Variants in SAMD4A observed in about 807,000 individuals in gnomAD.
The protein encoded by SAMD4A is sterile alpha motif domain containing 4A, also known as protein Smaug homolog 1.
A neutral mutation model predicts 81.3 loss-of-function variants in SAMD4A; 33 were observed. The ratio of observed to expected loss-of-function variants is 0.41; its 90% CI spans 0.31 to 0.54. The LOEUF (loss-of-function observed/expected upper bound fraction) is 0.54. SAMD4A is among the 20% of genes least tolerant of loss of function. SAMD4A has a pLI of 0.37. For missense variants in SAMD4A, 854 were observed against 951.1 expected, an observed-to-expected ratio of 0.90 and a Z score of 1.34; for synonymous variants, 389 against 382.1, an observed-to-expected ratio of 1.02 and a Z score of -0.21.
At chr14:54,600,745 C>T (rs1317545960) in intron 2 of SAMD4A, among the ~76,000 whole-genome samples, 1 of 152,180 alleles carries the variant, frequency 6.6e-6, no homozygotes, top group Non-Finnish European at 1.5e-5. Context: ...GATTTTCTGA[C>T]AGAACATTGG....
intron 2 of SAMD4A, among the ~76,000 whole-genome samples, chr14:54,621,106 C>T (rs1418050388): frequency 6.6e-6 from 1 of 152,194 alleles, no homozygotes; most frequent in Non-Finnish European, 1.5e-5. Flanking sequence ...ACAGGAAGGG[C>T]TGACATCTTA....
At chr14:54,639,556 C>T (rs2035119428) in intron 2 of SAMD4A, among the ~76,000 whole-genome samples, 1 of 152,234 alleles carries the variant, frequency 6.6e-6, no homozygotes. Context: ...GCAGCACTGG[C>T]AGCCCAGGTG....
chr14:54,681,725 C>G, intron 2 of SAMD4A: 4 of 921,136 alleles, frequency 4.3e-6, no homozygotes, highest in Non-Finnish European at 5.2e-6. Context: ...AGCCACCACG[C>G]CCTGCCTTTT....
At position 54,751,452 on chromosome 14, in the gene SAMD4A, A is replaced by G. The variant is rs1273017121; in HGVS notation, c.1091A>G (p.Asn364Ser). The G allele has an allele frequency of 1.9e-6, 3 of 1,555,736 alleles. No homozygotes were observed. Among genetic ancestry groups the G allele is most frequent in the Non-Finnish European group, 2.6e-6 (3 of 1,134,684 alleles). ...ALTECQLEAQ[N>S]VTKGARHKIV... Reference sequence around the variant, plus strand: ...ATGTAACTTGTTATTTAATTACAGAATGTTACCAAAGGTGCAAGACACAAA... The same window carrying G: ...ATGTAACTTGTTATTTAATTACAGAGTGTTACCAAAGGTGCAAGACACAAA... Residue 364 changes from asparagine (N) to serine (S), a missense_variant and splice_region_variant, in exon 6 of 13, where the codon AAT becomes AGT. By Grantham distance (46) the Asn-to-Ser change is conservative. This residue lies in a region of SAMD4A where 39 missense variants were observed against 74.1 expected (regional missense o/e 0.53). Coordinates refer to ENST00000554335, the MANE Select transcript of SAMD4A (RefSeq NM_015589.6).
intron 3 of SAMD4A, among the ~76,000 whole-genome samples, chr14:54,719,408 G>A (rs1449491204): frequency 6.6e-6 from 1 of 152,158 alleles, no homozygotes; most frequent in Non-Finnish European, 1.5e-5. Flanking sequence ...AGTTGAGTCT[G>A]ACTTTCCCAA....
intron 2 of SAMD4A, among the ~76,000 whole-genome samples, chr14:54,634,755 GTCTGTCTATCTA>G (rs1280994416): frequency 7.6e-5 from 7 of 91,746 alleles, no homozygotes; most frequent in South Asian, 3.4e-4. Context: ...CTGTCTGTCT[GTCTGTCTATCTA>G]TCTATCTATC....
At chr14:54,671,896 G>A (rs2035888317) in intron 2 of SAMD4A, among the ~76,000 whole-genome samples, 1 of 152,068 alleles carries the variant, frequency 6.6e-6, no homozygotes, top group Non-Finnish European at 1.5e-5. Flanking sequence ...AGAAGGGGTG[G>A]TGCTGCAGAG....
chr14:54,726,711 C>G (rs1181383349), intron 3 of SAMD4A, among the ~76,000 whole-genome samples: 1 of 152,074 alleles, frequency 6.6e-6, no homozygotes, highest in African/African-American at 2.4e-5. Flanking sequence ...AATGCTCTGA[C>G]CCTGCTGCAG....
intron 11 of SAMD4A, 155 bp from the exon 12 acceptor site, chr14:54,784,382 G>A (rs1286327842): frequency 6.4e-7 from 1 of 1,571,944 alleles, no homozygotes; most frequent in Admixed American, 1.9e-5. Context: ...GACCTTAGAG[G>A]TTGGTTGAGC....
At chr14:54,568,262 C>T (rs2033007120) in intron 2 of SAMD4A, 150 bp downstream of exon 2, 2 of 683,028 alleles carry the variant, frequency 2.9e-6, no homozygotes, top group South Asian at 2.5e-5. Context: ...AATCCACCCC[C>T]TCCGGGTGTC....
At chr14:54,685,284 C>T (rs917594461) in intron 2 of SAMD4A, among the ~76,000 whole-genome samples, 4 of 151,488 alleles carry the variant, frequency 2.6e-5, no homozygotes, top group Non-Finnish European at 4.4e-5. Flanking sequence ...GCCCCCCCCC[C>T]CAGCTCCTGG....
At chr14:54,760,057 C>T (rs1396985124) in intron 6 of SAMD4A, 104 bp from the exon 7 acceptor site, 6 of 1,188,834 alleles carry the variant, frequency 5.0e-6, no homozygotes, top group Non-Finnish European at 7.1e-6. Context: ...AGGGTACCAG[C>T]AGCCACGAAT....
intron 2 of SAMD4A, among the ~76,000 whole-genome samples, chr14:54,662,837 C>A (rs1344626322): frequency 6.6e-6 from 1 of 152,158 alleles, no homozygotes; most frequent in East Asian, 1.9e-4. Context: ...GGTCTGCACA[C>A]CCCACGTTGA....
chr14:54,632,663 G>A (rs1363558121), intron 2 of SAMD4A, among the ~76,000 whole-genome samples: 1 of 152,030 alleles, frequency 6.6e-6, no homozygotes, highest in Non-Finnish European at 1.5e-5. Context: ...TGGCTGCATG[G>A]TATTCCACCA....
intron 3 of SAMD4A, among the ~76,000 whole-genome samples, chr14:54,727,819 C>T (rs373767099): frequency 3.9e-5 from 6 of 152,092 alleles, no homozygotes; most frequent in African/African-American, 7.2e-5. Context: ...AACACGCACG[C>T]GCACACACAC....
chr14:54,755,595 G>A lies in SAMD4A; in HGVS notation c.1176+4058G>A, dbSNP rs1021571026. Among the ~76,000 whole-genome samples, 18 of 152,228 alleles carry A rather than the reference G, an allele frequency of 1.2e-4. No individual in the cohort carries two copies. The South Asian group carries it at 1.2e-3, about 11-fold the overall frequency. On this transcript the variant is annotated intron_variant, in intron 6 of 12. Coordinates refer to ENST00000554335, the MANE Select transcript of SAMD4A (RefSeq NM_015589.6). ...TGGAAGTGTCACGTACAATGGAGAC[G>A]GAACACTGTCCTCTGAAATTGGCCC...
At chr14:54,788,005 A>C (rs1475286573) in intron 12 of SAMD4A, among the ~76,000 whole-genome samples, 1 of 152,132 alleles carries the variant, frequency 6.6e-6, no homozygotes, top group African/African-American at 2.4e-5. Context: ...TCTGATGGTC[A>C]TATCCCCTGC....
intron 11 of SAMD4A, among the ~76,000 whole-genome samples, chr14:54,782,083 G>A (rs1158268395): frequency 4.6e-5 from 7 of 152,188 alleles, no homozygotes; most frequent in East Asian, 1.9e-4. Context: ...GAGCAGCCAC[G>A]AAGGTTTGGG....
intron 2 of SAMD4A, among the ~76,000 whole-genome samples, chr14:54,641,159 C>A (rs1566562260): frequency 6.6e-6 from 1 of 152,280 alleles, no homozygotes; most frequent in East Asian, 1.9e-4. Flanking sequence ...GTTTTCTCAT[C>A]TGTAAAATGG....
Sources: allele counts gnomAD v4.1 joint callset (sites outside exome capture counted in the v4.1 genomes callset), GRCh38; gene constraint gnomAD v4.1.1; regional missense constraint gnomAD v4.1.1; transcripts MANE v1.5; gene names NCBI Gene and HGNC (gene_info 2026-07-23, HGNC 2026-07-21).